The following DCT variants were observed in gnomAD, a reference collection of about 807,000 sequenced individuals.
DCT encodes L-dopachrome tautomerase.
In DCT, 47 loss-of-function variants were observed where a neutral mutation model predicts 53.0. The observed-to-expected ratio is 0.89, with a 90% CI of 0.70 to 1.13. The LOEUF (loss-of-function observed/expected upper bound fraction) is 1.13, where lower values mean the gene tolerates loss of function less well. Among genes scored for constraint, DCT ranks in the 50% most tolerant of loss-of-function variants. The pLI is 0.00. For missense variants in DCT, 669 were observed against 637.4 expected (o/e 1.05, Z -0.53); for synonymous variants, 244 against 237.0 (o/e 1.03, Z -0.27).
At chr13:94,444,281 C>A in intron 6 of DCT, 1 of 370,398 alleles carries the variant, frequency 2.7e-6, no homozygotes, top group Non-Finnish European at 5.4e-6. Context: ...ATCCCAAACA[C>A]TTCTGGTCCC....
At chr13:94,456,155 TG>T (rs1361693692) in intron 6 of DCT, among the ~76,000 whole-genome samples, 1 of 152,228 alleles carries the variant, frequency 6.6e-6, no homozygotes, top group Non-Finnish European at 1.5e-5. Context: ...TGTTAGAGGC[TG>T]GGACCATTAA....
chr13:94,465,615 AGGTACAG>A lies in DCT; in HGVS notation c.863+11_863+17del, dbSNP rs746294793. The A allele has an allele frequency of 1.2e-6, 2 of 1,609,552 alleles. No individual in the cohort carries two copies. Among genetic ancestry groups the A allele is most frequent in the Non-Finnish European group, 8.5e-7 (1 of 1,177,374 alleles). On this transcript the variant is annotated intron_variant, in intron 4 of 7. Transcript: ENST00000377028. The stretch of plus-strand genomic sequence containing the variant: ...AAAGACAATCTCTGGATGCCATTGC[AGGTACAG>A]GAGCCATTACCTATCACAGACAGTT...
At chr13:94,497,732 A>T in the DCT span, among the ~76,000 whole-genome samples, 3 of 152,108 alleles carry the variant, frequency 2.0e-5, no homozygotes, top group South Asian at 6.2e-4. Context: ...TTGCTGTCTC[A>T]GGGGTGGCAG....
the DCT span, among the ~76,000 whole-genome samples, chr13:94,510,434 G>A: frequency 1.3e-5 from 2 of 152,164 alleles, no homozygotes; most frequent in Admixed American, 1.3e-4. Flanking sequence ...AAACTGAGGT[G>A]TGCTGTCAGT....
the DCT span, among the ~76,000 whole-genome samples, chr13:94,540,715 A>C: frequency 2.6e-5 from 4 of 152,220 alleles, no homozygotes; most frequent in Non-Finnish European, 5.9e-5. Flanking sequence ...AAATTAGTAC[A>C]ATCATTGTGG....
chr13:94,518,325 C>T, the DCT span, among the ~76,000 whole-genome samples: 2 of 152,198 alleles, frequency 1.3e-5, no homozygotes, highest in Non-Finnish European at 2.9e-5. Flanking sequence ...TGCTTACCCT[C>T]AGCCATGTTC....
the DCT span, among the ~76,000 whole-genome samples, chr13:94,541,104 G>A: frequency 1.3e-5 from 2 of 152,218 alleles, no homozygotes; most frequent in Admixed American, 6.5e-5. Flanking sequence ...TATGGAGATA[G>A]AGAGTAGACT....
chr13:94,468,861 T>G lies in DCT; in HGVS notation c.480A>C (p.Thr160=), dbSNP rs770910422. 1 of 1,614,224 alleles carries G rather than the reference T, an allele frequency of 6.2e-7. No homozygotes were observed. Among genetic ancestry groups the G allele is most frequent in the African/African-American group, 1.3e-5 (1 of 75,062 alleles). Residue 160 remains threonine, a synonymous_variant, in exon 2 of 8, where the codon ACA becomes ACC. Coordinates refer to ENST00000377028, the MANE Select transcript of DCT (RefSeq NM_001922.5). ...GCCCAAGCAGGCCCAGCCAGTGTTGTGTGGTGATCACGTAGTCGGGGTGTA... is the reference window on the plus strand; with the variant it reads ...GCCCAAGCAGGCCCAGCCAGTGTTGGGTGGTGATCACGTAGTCGGGGTGTA... The part of the protein sequence containing the change: ...KRVHPDYVIT[T]QHWLGLLGPN...
intron 1 of DCT, among the ~76,000 whole-genome samples, chr13:94,474,813 C>A (rs1884970753): frequency 6.6e-6 from 1 of 152,158 alleles, no homozygotes; most frequent in Non-Finnish European, 1.5e-5. Flanking sequence ...TTTTAAAAAA[C>A]AAATCCCAGA....
intron 4 of DCT, among the ~76,000 whole-genome samples, chr13:94,464,944 A>G (rs984955726): frequency 1.3e-5 from 2 of 152,136 alleles, no homozygotes; most frequent in Non-Finnish European, 2.9e-5. Context: ...CTGTTTCCAG[A>G]GAATTATCTA....
chr13:94,485,612 T>A, the DCT span, among the ~76,000 whole-genome samples: 1 of 152,182 alleles, frequency 6.6e-6, no homozygotes, highest in African/African-American at 2.4e-5. Context: ...TATAGTATCC[T>A]CCCCAAATTC....
chr13:94,452,911 T>C (rs184401740), intron 6 of DCT, among the ~76,000 whole-genome samples: 302 of 152,270 alleles, frequency 2.0e-3, no homozygotes, highest in Non-Finnish European at 3.5e-3. Context: ...TTATAAAATA[T>C]ATCTGGAAAA....
chr13:94,449,521 AT>A lies in DCT; in HGVS notation c.1180-5885del, dbSNP rs143341846. On this transcript the variant is annotated intron_variant, in intron 6 of 7. Transcript: ENST00000377028. ...CTGGATCCTATTGTGGTGACATGCT[AT>A]TGCTCTGGTCCTCTGAGAGTCAGAA... 1.4e-3 allele frequency among the ~76,000 whole-genome samples: 209 copies of A among 152,328 alleles called. 7 individuals carry two copies. The East Asian group carries it at 0.039, about 28-fold the overall frequency.
intron 1 of DCT, among the ~76,000 whole-genome samples, chr13:94,471,703 G>A (rs1379689915): frequency 6.6e-5 from 10 of 152,204 alleles, no homozygotes; most frequent in South Asian, 2.1e-4. Context: ...TGAACAAAAT[G>A]CTGTGTCTAA....
intron 6 of DCT, among the ~76,000 whole-genome samples, chr13:94,443,898 C>G (rs551351137): frequency 1.3e-5 from 2 of 152,270 alleles, no homozygotes; most frequent in South Asian, 4.1e-4. Context: ...TCTCTCCAAG[C>G]AGGACTATAA....
At chr13:94,500,461 C>T in the DCT span, among the ~76,000 whole-genome samples, 1 of 152,192 alleles carries the variant, frequency 6.6e-6, no homozygotes, top group African/African-American at 2.4e-5. Context: ...CCTCCCACAA[C>T]ATGTGGGAAT....
chr13:94,458,221 C>T (rs1486060812), intron 6 of DCT, among the ~76,000 whole-genome samples: 1 of 152,146 alleles, frequency 6.6e-6, no homozygotes, highest in Non-Finnish European at 1.5e-5. Flanking sequence ...AAGCATACCC[C>T]TGCTTCCTGA....
At position 94,479,630 on chromosome 13, in the gene DCT, A is replaced by G. The variant is rs565035880; in HGVS notation, c.-375T>C. The G allele has an allele frequency of 1.1e-5, 2 of 174,362 alleles. No individual in the cohort carries two copies. Among genetic ancestry groups the G allele is most frequent in the South Asian group, 3.0e-4 (2 of 6,664 alleles). The allele number at this position is 174,362 out of a possible 1,614,324, so 10.8% of individuals were successfully genotyped here. A position where few individuals can be genotyped will look rare whatever the true frequency, so the allele number is the denominator to read the frequency against. On this transcript the variant is annotated 5_prime_UTR_variant, in exon 1 of 8. Transcript: ENST00000377028. ...TACTACTTATTATGCTGGTATTTCT[A>G]AACCCTCTCCCTCCCTCCTTAGCTC...
At chr13:94,508,661 C>A in the DCT span, among the ~76,000 whole-genome samples, 1 of 152,108 alleles carries the variant, frequency 6.6e-6, no homozygotes, top group Non-Finnish European at 1.5e-5. Flanking sequence ...ATGTGAAGGG[C>A]TGTTCTGGGA....
Sources: gnomAD v4.1 joint callset for allele counts (sites outside exome capture counted in the v4.1 genomes callset) on GRCh38, gnomAD v4.1.1 for gene constraint, MANE v1.5 for transcripts, NCBI Gene and HGNC (gene_info 2026-07-23, HGNC 2026-07-21) for gene names.